CACNG5: variants seen among roughly 807,000 people sequenced by gnomAD.
CACNG5 encodes calcium voltage-gated channel auxiliary subunit gamma 5, also known as voltage-dependent calcium channel gamma-5 subunit.
In CACNG5, 18 loss-of-function variants were observed where a neutral mutation model predicts 24.8. The observed-to-expected ratio is 0.73, with a 90% CI of 0.50 to 1.08. CACNG5 has a LOEUF of 1.08. CACNG5 is among the 50% of genes least tolerant of loss of function. The pLI, the probability that CACNG5 is intolerant of heterozygous loss-of-function variation, is 0.00. For missense variants in CACNG5, 349 were observed against 367.9 expected, an observed-to-expected ratio of 0.95 and a Z score of 0.42; for synonymous variants, 157 against 149.1, an observed-to-expected ratio of 1.05 and a Z score of -0.39.
At chr17:66,853,417 C>T (rs1371426475) in intron 1 of CACNG5, among the ~76,000 whole-genome samples, 1 of 152,156 alleles carries the variant, frequency 6.6e-6, no homozygotes, top group African/African-American at 2.4e-5. Context: ...CAAAAAGCTG[C>T]AAAACTGCTT....
chr17:66,865,758 T>C (rs1185369262), intron 1 of CACNG5, among the ~76,000 whole-genome samples: 1 of 150,952 alleles, frequency 6.6e-6, no homozygotes, highest in Non-Finnish European at 1.5e-5. Context: ...GCCTCCCGAG[T>C]AGCTGGGACT....
chr17:66,837,452 G>T (rs1280841008), intron 1 of CACNG5, among the ~76,000 whole-genome samples: 2 of 152,192 alleles, frequency 1.3e-5, no homozygotes, highest in Non-Finnish European at 2.9e-5. Context: ...CAGCCTTCTG[G>T]CTCACTGACA....
intron 3 of CACNG5, 91 bp from the exon 4 acceptor site, chr17:66,880,466 G>T (rs1977142364): frequency 2.0e-6 from 3 of 1,524,562 alleles, no homozygotes; most frequent in Non-Finnish European, 2.7e-6. Flanking sequence ...AGGACCAGTT[G>T]GTAGACACTG....
intron 4 of CACNG5, 88 bp from the exon 5 acceptor site, chr17:66,884,428 C>T: frequency 7.1e-7 from 1 of 1,406,736 alleles, no homozygotes; most frequent in Non-Finnish European, 9.7e-7. Flanking sequence ...TGGCTTTGCT[C>T]CTGAATTGCA....
At chr17:66,876,007 G>T (rs1187915544) in intron 1 of CACNG5, among the ~76,000 whole-genome samples, 1 of 152,144 alleles carries the variant, frequency 6.6e-6, no homozygotes, top group Non-Finnish European at 1.5e-5. Flanking sequence ...TCAACTGTTT[G>T]CTTGGCACAG....
chr17:66,863,526 C>T (rs1458786895), intron 1 of CACNG5, among the ~76,000 whole-genome samples: 1 of 152,050 alleles, frequency 6.6e-6, no homozygotes, highest in African/African-American at 2.4e-5. Context: ...ACCACCACGC[C>T]CAGCTAATTT....
intron 1 of CACNG5, among the ~76,000 whole-genome samples, chr17:66,866,993 C>T (rs2143088213): frequency 6.6e-6 from 1 of 152,196 alleles, no homozygotes; most frequent in African/African-American, 2.4e-5. Flanking sequence ...CCAGTAATGG[C>T]ATTCTTGGGT....
At chr17:66,881,488 C>A (rs1977157248) in intron 4 of CACNG5, among the ~76,000 whole-genome samples, 1 of 152,178 alleles carries the variant, frequency 6.6e-6, no homozygotes, top group Non-Finnish European at 1.5e-5. Flanking sequence ...CCTCCTAGAC[C>A]CCTTCAACAT....
intron 3 of CACNG5, 107 bp from the exon 4 acceptor site, chr17:66,880,450 G>A: frequency 3.6e-6 from 5 of 1,400,022 alleles, no homozygotes; most frequent in Non-Finnish European, 4.0e-6. Flanking sequence ...CAGGGGTGGG[G>A]CTTTGAGGAC....
chr17:66,835,937 C>T (rs1976477192), intron 1 of CACNG5, among the ~76,000 whole-genome samples: 2 of 152,190 alleles, frequency 1.3e-5, no homozygotes, highest in South Asian at 4.1e-4. Context: ...ATTGTGATTC[C>T]CCGATCTTTG....
At position 66,849,672 on chromosome 17, in the gene CACNG5, G is replaced by A. The variant is rs181188296; in HGVS notation, c.-104+14422G>A. The stretch of plus-strand genomic sequence containing the variant: ...GGGCAGGACACCCCTCTCAGCCTTC[G>A]TGTTCTCACAGGTGAGACGGATCAC... On this transcript the variant is annotated intron_variant, in intron 1 of 5. Transcript: ENST00000533854. Among the ~76,000 whole-genome samples the A allele has an allele frequency of 1.6e-4, 25 of 152,308 alleles. No individual in the cohort carries two copies. In the East Asian group the frequency reaches 3.9e-3, roughly 24 times the overall value.
At chr17:66,876,988 T>C (rs917954343) in intron 1 of CACNG5, among the ~76,000 whole-genome samples, 2 of 144,342 alleles carry the variant, frequency 1.4e-5, no homozygotes, top group Non-Finnish European at 1.6e-5. Context: ...GCTGAATGAA[T>C]GAATGAATGA....
chr17:66,886,248 C>A lies in CACNG5; in HGVS notation c.*1008C>A, dbSNP rs138310815. On this transcript the variant is annotated 3_prime_UTR_variant, in exon 6 of 6. Coordinates refer to ENST00000533854, the MANE Select transcript of CACNG5 (RefSeq NM_145811.3). Reference sequence around the variant, plus strand: ...GGAGTGGGAGCTGGATTTGAGGACACCTGGTGCAGCTTGAGTGCAAACAAA... The same window carrying A: ...GGAGTGGGAGCTGGATTTGAGGACAACTGGTGCAGCTTGAGTGCAAACAAA... Among the ~76,000 whole-genome samples the A allele has an allele frequency of 6.6e-5, 10 of 152,292 alleles. No individual in the cohort carries two copies. The highest frequency in any genetic ancestry group is 1.3e-4 in the Non-Finnish European group (9 of 68,012).
chr17:66,864,510 G>C (rs936817658), intron 1 of CACNG5, among the ~76,000 whole-genome samples: 3 of 152,100 alleles, frequency 2.0e-5, no homozygotes, highest in African/African-American at 7.2e-5. Flanking sequence ...TGGTTTCCTT[G>C]ATTGCTCTCC....
At chr17:66,835,652 T>A (rs1370820572) in intron 1 of CACNG5, among the ~76,000 whole-genome samples, 2 of 152,186 alleles carry the variant, frequency 1.3e-5, no homozygotes, top group Non-Finnish European at 2.9e-5. Context: ...CCTGTTGAGC[T>A]GGGCTGTCGG....
At chr17:66,845,474 C>A (rs4790902) in intron 1 of CACNG5, among the ~76,000 whole-genome samples, 11,872 of 134,840 alleles carry the variant, frequency 0.088, 927 homozygotes, top group African/African-American at 0.23. Flanking sequence ...AAAAAAAAAA[C>A]AAAAAACTAT....
chr17:66,884,453 CCACCT>C, intron 4 of CACNG5, 58 bp from the exon 5 acceptor site: 1 of 1,525,874 alleles, frequency 6.6e-7, no homozygotes. Flanking sequence ...GAGGTGGGTG[CCACCT>C]CAGCAAACTT....
At chr17:66,838,437 G>C (rs1171332693) in intron 1 of CACNG5, among the ~76,000 whole-genome samples, 1 of 151,400 alleles carries the variant, frequency 6.6e-6, no homozygotes, top group Non-Finnish European at 1.5e-5. Flanking sequence ...GGTGAGAATT[G>C]AGAGTCCCTG....
chr17:66,874,048 C>G (rs11868095), intron 1 of CACNG5, among the ~76,000 whole-genome samples: 1 of 151,120 alleles, frequency 6.6e-6, no homozygotes, highest in African/African-American at 2.4e-5. Context: ...AGTTTGAGAA[C>G]GCAAGCCTTG....
Sources: gnomAD v4.1 joint callset for allele counts (sites outside exome capture counted in the v4.1 genomes callset) on GRCh38, gnomAD v4.1.1 for gene constraint, MANE v1.5 for transcripts, NCBI Gene and HGNC (gene_info 2026-07-23, HGNC 2026-07-21) for gene names.